The following TMCO5A variants were observed in gnomAD, a reference collection of about 807,000 sequenced individuals.
TMCO5A encodes the protein transmembrane and coiled-coil domain-containing protein 5A.
In TMCO5A, 34 loss-of-function variants were observed where a neutral mutation model predicts 42.3. The observed-to-expected ratio is 0.80, with a 90% confidence interval of 0.61 to 1.07. The LOEUF (loss-of-function observed/expected upper bound fraction) is 1.07, where lower values mean the gene tolerates loss of function less well. Among genes scored for constraint, TMCO5A ranks in the 50% least tolerant of loss-of-function variants. The pLI is 0.00. For synonymous variants in TMCO5A, 131 were observed against 115.6 expected (o/e 1.13, Z -0.86); for missense variants, 357 against 327.9 (o/e 1.09, Z -0.69).
chr15:37,950,116 G>T (rs1031683030), intron 11 of TMCO5A, among the ~76,000 whole-genome samples: 1 of 152,160 alleles, frequency 6.6e-6, no homozygotes, highest in African/African-American at 2.4e-5. Flanking sequence ...CTAGGAAGCT[G>T]CACTACATAC....
the TMCO5A span, among the ~76,000 whole-genome samples, chr15:38,010,293 G>T: frequency 6.7e-6 from 1 of 148,304 alleles, no homozygotes; most frequent in Non-Finnish European, 1.5e-5. Flanking sequence ...GGAGAATGGC[G>T]TGAATCTGGG....
the TMCO5A span, among the ~76,000 whole-genome samples, chr15:37,988,844 G>A: frequency 1.3e-5 from 2 of 151,922 alleles, no homozygotes; most frequent in East Asian, 3.8e-4. Context: ...TTTGTATCAG[G>A]ACAATGCTGG....
the TMCO5A span, among the ~76,000 whole-genome samples, chr15:38,036,272 C>T: frequency 6.6e-6 from 1 of 152,142 alleles, no homozygotes; most frequent in Non-Finnish European, 1.5e-5. Flanking sequence ...TAGAGCCTCC[C>T]TCTGCTCCAT....
At chr15:37,983,066 C>T in the TMCO5A span, among the ~76,000 whole-genome samples, 4 of 152,008 alleles carry the variant, frequency 2.6e-5, no homozygotes, top group African/African-American at 9.7e-5. Flanking sequence ...CCCAGTAAAA[C>T]TAAAGTTTGG....
chr15:38,023,659 A>G, the TMCO5A span, among the ~76,000 whole-genome samples: 2 of 152,204 alleles, frequency 1.3e-5, no homozygotes, highest in Admixed American at 1.3e-4. Flanking sequence ...AGTAGCAAAG[A>G]GTTTGTGTTA....
the TMCO5A span, among the ~76,000 whole-genome samples, chr15:38,017,702 G>A: frequency 6.6e-6 from 1 of 152,078 alleles, no homozygotes; most frequent in Non-Finnish European, 1.5e-5. Flanking sequence ...CTGCATCTGA[G>A]TAAGGGTACT....
the TMCO5A span, among the ~76,000 whole-genome samples, chr15:38,026,375 T>C: frequency 6.6e-6 from 1 of 152,198 alleles, no homozygotes; most frequent in South Asian, 2.1e-4. Context: ...GGCAGCACTT[T>C]GCCCCTGCCC....
the TMCO5A span, among the ~76,000 whole-genome samples, chr15:38,022,744 T>A: frequency 6.6e-6 from 1 of 152,184 alleles, no homozygotes; most frequent in Admixed American, 6.5e-5. Context: ...GGGGAGGTTA[T>A]GCATATGTGG....
At chr15:38,025,699 T>C in the TMCO5A span, among the ~76,000 whole-genome samples, 2 of 152,130 alleles carry the variant, frequency 1.3e-5, no homozygotes, top group Non-Finnish European at 2.9e-5. Context: ...TGACTCTGTG[T>C]CCCCACCCCA....
the TMCO5A span, among the ~76,000 whole-genome samples, chr15:37,976,044 GA>G: frequency 6.7e-6 from 1 of 148,194 alleles, no homozygotes; most frequent in Non-Finnish European, 1.5e-5. Flanking sequence ...AGGAGTTTGC[GA>G]CTAGCCTGGC....
chr15:38,032,515 T>G, the TMCO5A span, among the ~76,000 whole-genome samples: 4 of 152,256 alleles, frequency 2.6e-5, no homozygotes, highest in African/African-American at 9.6e-5. Context: ...CTTCACTTAG[T>G]TATTAATACT....
chr15:38,015,327 G>A, the TMCO5A span, among the ~76,000 whole-genome samples: 15 of 152,084 alleles, frequency 9.9e-5, no homozygotes, highest in Admixed American at 8.5e-4. Flanking sequence ...AATAAGATAC[G>A]AATACCCACT....
downstream of TMCO5A, among the ~76,000 whole-genome samples, chr15:37,968,590 T>TTTC (rs1237985539): frequency 4.0e-5 from 6 of 151,510 alleles, no homozygotes; most frequent in African/African-American, 1.5e-4. Context: ...TTCTTTTTTT[T>TTTC]TTTTTTTTTT....
the TMCO5A span, among the ~76,000 whole-genome samples, chr15:38,003,135 C>A: frequency 2.8e-4 from 43 of 152,216 alleles, no homozygotes; most frequent in East Asian, 8.1e-3. Flanking sequence ...GAGGTACTTC[C>A]TTGATGTCTT....
the TMCO5A span, among the ~76,000 whole-genome samples, chr15:38,037,886 G>A: frequency 1.1e-4 from 17 of 151,966 alleles, no homozygotes; most frequent in African/African-American, 3.9e-4. Flanking sequence ...GGTGGCACAT[G>A]CCTGCAGTCC....
the TMCO5A span, among the ~76,000 whole-genome samples, chr15:38,019,936 A>G: frequency 6.6e-6 from 1 of 151,882 alleles, no homozygotes; most frequent in African/African-American, 2.4e-5. Context: ...ACTTGGACAA[A>G]TGTATAATGA....
At chr15:37,937,234 T>A in intron 4 of TMCO5A, 112 bp from the exon 5 acceptor site, 9 of 1,307,570 alleles carry the variant, frequency 6.9e-6, no homozygotes, top group Non-Finnish European at 8.7e-6. Flanking sequence ...ATTATGCAAA[T>A]AAGGTCAAGT....
At chr15:37,991,826 C>T in the TMCO5A span, among the ~76,000 whole-genome samples, 1 of 152,062 alleles carries the variant, frequency 6.6e-6, no homozygotes, top group South Asian at 2.1e-4. Flanking sequence ...GAAACTGAAC[C>T]CGTTGCTTAC....
intron 11 of TMCO5A, among the ~76,000 whole-genome samples, chr15:37,963,104 T>C (rs1230811914): frequency 6.6e-6 from 1 of 151,994 alleles, no homozygotes; most frequent in Non-Finnish European, 1.5e-5. Context: ...TTTGGTGTGG[T>C]TTGTTCTTGT....
Sources: allele counts gnomAD v4.1 joint callset (sites outside exome capture counted in the v4.1 genomes callset), GRCh38; gene constraint gnomAD v4.1.1; transcripts MANE v1.5; gene names NCBI Gene and HGNC (gene_info 2026-07-23, HGNC 2026-07-21).